HEPHL1: variants seen among roughly 807,000 people sequenced by gnomAD.
HEPHL1 encodes the protein hephaestin like 1.
In HEPHL1, 123 loss-of-function variants were observed where a neutral mutation model predicts 122.0. That is an observed-to-expected ratio of 1.01 (90% CI 0.87 to 1.17). The LOEUF is 1.17. Among genes scored for constraint, HEPHL1 ranks in the 50% most tolerant of loss-of-function variants. The pLI is 0.00. For synonymous variants in HEPHL1, 527 were observed against 508.9 expected (o/e 1.04, Z -0.48); for missense variants, 1,452 against 1,430.5 (o/e 1.01, Z -0.24).
In HEPHL1 at chr11:94,113,031, T is replaced by G. The variant is rs188093095; in HGVS notation, c.*1137T>G. On this transcript the variant is annotated 3_prime_UTR_variant, in exon 20 of 20. Transcript: ENST00000315765. The stretch of plus-strand genomic sequence containing the variant: ...AGGAAAGGTGAGAAAAAGATAATCT[T>G]GGTGGCAGATTCTCTTAAACCATTA... 16 of 152,288 alleles carry G rather than the reference T, an allele frequency of 1.1e-4. No individual in the cohort carries two copies. In the East Asian group the frequency reaches 3.1e-3, roughly 29 times the overall value. 9.4% of individuals were successfully genotyped at this position (152,288 alleles called of 1,614,324 possible).
At chr11:94,067,247 G>A (rs186455025) in intron 4 of HEPHL1, among the ~76,000 whole-genome samples, 2 of 152,264 alleles carry the variant, frequency 1.3e-5, no homozygotes, top group East Asian at 1.9e-4. Flanking sequence ...CAGCAGCTCC[G>A]AGGCTGTTCT....
chr11:94,056,169 AT>A lies in HEPHL1; in HGVS notation c.416-7335del, dbSNP rs772197728. On this transcript the variant is annotated intron_variant, in intron 2 of 19. Coordinates refer to ENST00000315765, the MANE Select transcript of HEPHL1 (RefSeq NM_001098672.2). ...AATAGCATTTCTTGTCTTAAAATCT[AT>A]TTTGTCTGTTATTGATATAGCCTCT... Among the ~76,000 whole-genome samples, 27 of 152,054 alleles carry A rather than the reference AT, an allele frequency of 1.8e-4. 1 individual carries two copies. Among genetic ancestry groups the A allele is most frequent in the Non-Finnish European group, 1.9e-4 (13 of 68,000 alleles).
intron 13 of HEPHL1, among the ~76,000 whole-genome samples, chr11:94,095,174 A>G (rs1301271895): frequency 1.3e-5 from 2 of 152,160 alleles, no homozygotes; most frequent in African/African-American, 4.8e-5. Flanking sequence ...ATTTTTGTAT[A>G]AGGTGTAAGG....
At chr11:94,052,786 T>G (rs1945901873) in intron 2 of HEPHL1, among the ~76,000 whole-genome samples, 1 of 152,150 alleles carries the variant, frequency 6.6e-6, no homozygotes, top group African/African-American at 2.4e-5. Flanking sequence ...CATTAACTAA[T>G]TTTTGGATGT....
At chr11:94,032,723 T>C (rs1426535441) in intron 1 of HEPHL1, among the ~76,000 whole-genome samples, 4 of 152,098 alleles carry the variant, frequency 2.6e-5, no homozygotes, top group Admixed American at 2.6e-4. Flanking sequence ...AAGTAATAAT[T>C]GGTCACAGTC....
At chr11:94,028,763 C>T (rs188857059) in intron 1 of HEPHL1, among the ~76,000 whole-genome samples, 506 of 152,304 alleles carry the variant, frequency 3.3e-3, no homozygotes, top group Middle Eastern at 0.01. Flanking sequence ...AACAAATATA[C>T]TCCATTTAAA....
intron 13 of HEPHL1, among the ~76,000 whole-genome samples, chr11:94,098,805 C>T (rs989866718): frequency 5.9e-5 from 9 of 152,204 alleles, no homozygotes; most frequent in South Asian, 4.1e-4. Context: ...TTGATCGAAT[C>T]GGCTACTGAA....
chr11:94,064,166 T>C (rs1946013192), intron 3 of HEPHL1, among the ~76,000 whole-genome samples, 165 bp from the exon 4 acceptor site: 1 of 152,242 alleles, frequency 6.6e-6, no homozygotes, highest in Admixed American at 6.5e-5. Flanking sequence ...TTCTCTTCTA[T>C]GGCTCTGTCA....
At chr11:94,067,460 G>T in intron 4 of HEPHL1, 36 bp from the exon 5 acceptor site, 1 of 1,604,924 alleles carries the variant, frequency 6.2e-7, no homozygotes, top group Non-Finnish European at 8.5e-7. Context: ...CGCCTCTGCA[G>T]GGGAGTCTCT....
At chr11:94,036,200 A>C (rs768609111) in intron 1 of HEPHL1, among the ~76,000 whole-genome samples, 3 of 152,194 alleles carry the variant, frequency 2.0e-5, no homozygotes, top group Non-Finnish European at 4.4e-5. Flanking sequence ...TGTCCACCTC[A>C]GAAGGAGCAC....
chr11:94,061,006 G>A (rs921300691), intron 2 of HEPHL1, among the ~76,000 whole-genome samples: 12 of 152,116 alleles, frequency 7.9e-5, no homozygotes, highest in African/African-American at 2.9e-4. Flanking sequence ...ATAAATGGAT[G>A]CATTTGAGAA....
At chr11:94,079,244 A>C (rs1339873166) in intron 9 of HEPHL1, among the ~76,000 whole-genome samples, 1 of 152,218 alleles carries the variant, frequency 6.6e-6, no homozygotes, top group East Asian at 1.9e-4. Context: ...ATTAGGGCTT[A>C]GAGAGGATAA....
intron 1 of HEPHL1, among the ~76,000 whole-genome samples, chr11:94,031,496 C>T (rs1188410450): frequency 6.6e-6 from 1 of 152,146 alleles, no homozygotes; most frequent in Non-Finnish European, 1.5e-5. Context: ...GCATGAATGC[C>T]ATCATTTATT....
At chr11:94,099,631 C>T (rs61588340) in intron 13 of HEPHL1, among the ~76,000 whole-genome samples, 3,693 of 152,304 alleles carry the variant, frequency 0.024, 155 homozygotes, top group African/African-American at 0.085. Flanking sequence ...CAGAGGCAGG[C>T]AGGCCTCCTC....
intron 13 of HEPHL1, among the ~76,000 whole-genome samples, chr11:94,095,111 G>A (rs1263800137): frequency 7.9e-5 from 12 of 152,148 alleles, no homozygotes; most frequent in Admixed American, 7.9e-4. Context: ...TTTTCTTCTA[G>A]GGTTTTTATG....
Position 94,104,526 on chromosome 11 carries a change from A to G in HEPHL1, c.2683-2A>G. On this transcript the variant is annotated splice_acceptor_variant, in intron 15 of 19. Transcript: ENST00000315765. LOFTEE classifies it high-confidence loss of function. ...TTTAACTCAGTTTATTTTTTCTTCC[A>G]GGATACGTATAGTGGTTTGATGGGT... 6.3e-7 allele frequency: 1 copy of G among 1,595,470 alleles called. No homozygotes were observed. Among genetic ancestry groups the G allele is most frequent in the Non-Finnish European group, 8.6e-7 (1 of 1,167,522 alleles).
intron 1 of HEPHL1, among the ~76,000 whole-genome samples, chr11:94,032,248 C>T (rs1276580219): frequency 1.3e-5 from 2 of 152,198 alleles, no homozygotes; most frequent in Non-Finnish European, 2.9e-5. Context: ...CTGCTCTACC[C>T]CTTAATCTGG....
chr11:94,051,873 C>A (rs1000467619), intron 2 of HEPHL1, among the ~76,000 whole-genome samples: 1 of 152,088 alleles, frequency 6.6e-6, no homozygotes, highest in East Asian at 1.9e-4. Flanking sequence ...CCAGTTTTCC[C>A]AGTACCATTT....
intron 2 of HEPHL1, among the ~76,000 whole-genome samples, chr11:94,061,396 G>A (rs1357317770): frequency 6.6e-6 from 1 of 152,144 alleles, no homozygotes; most frequent in Non-Finnish European, 1.5e-5. Context: ...GTTATACTTT[G>A]AGGATTTCTG....
Sources: gnomAD v4.1 joint callset for allele counts (sites outside exome capture counted in the v4.1 genomes callset) on GRCh38, gnomAD v4.1.1 for gene constraint, MANE v1.5 for transcripts, NCBI Gene and HGNC (gene_info 2026-07-23, HGNC 2026-07-21) for gene names.